The following DLG2 variants were observed in gnomAD, a reference collection of about 807,000 sequenced individuals.
DLG2 encodes the protein disks large homolog 2.
DLG2 carries 45 observed loss-of-function variants against 132.5 expected under a neutral mutation model. The observed-to-expected ratio is 0.34, with a 90% CI of 0.27 to 0.44. The LOEUF is 0.44. Ranked by LOEUF, DLG2 falls within the 20% of genes least tolerant of loss-of-function variation. DLG2 has a pLI of 1.00. For synonymous variants in DLG2, 424 were observed against 419.6 expected (o/e 1.01, Z -0.13); for missense variants, 1,045 against 1,196.9 (o/e 0.87, Z 1.87).
At chr11:83,531,312 A>G (rs2095738635) in intron 21 of DLG2, among the ~76,000 whole-genome samples, 1 of 152,070 alleles carries the variant, frequency 6.6e-6, no homozygotes, top group African/African-American at 2.4e-5. Context: ...CAACTCAACA[A>G]TAACAAGACA....
chr11:85,234,624 C>G (rs998101255), intron 4 of DLG2, among the ~76,000 whole-genome samples: 10 of 151,952 alleles, frequency 6.6e-5, no homozygotes, highest in African/African-American at 2.4e-4. Context: ...TTCTGTCTAT[C>G]CATTAGAGTG....
rs570940882 is a variant in DLG2, at chr11:83,971,262, G to A, written c.1057-5794C>T. On this transcript the variant is annotated intron_variant, in intron 12 of 27. Coordinates refer to ENST00000376104, the MANE Select transcript of DLG2 (RefSeq NM_001142699.3). ...GCACCACACAGACGGGGACATATGT[G>A]CAGCCTGGCTGTGTGTTTGCTAATA... 6.2e-4 allele frequency among the ~76,000 whole-genome samples: 95 copies of A among 152,220 alleles called. 1 individual carries two copies. The highest frequency in any genetic ancestry group is 1.1e-3 in the Non-Finnish European group (75 of 68,024).
intron 10 of DLG2, among the ~76,000 whole-genome samples, chr11:84,096,824 C>T (rs2097171630): frequency 6.6e-6 from 1 of 151,630 alleles, no homozygotes; most frequent in African/African-American, 2.4e-5. Flanking sequence ...GTTAATTCAG[C>T]TTAAAAATTC....
At chr11:84,844,065 TTGTGTGTGTG>T (rs769383482) in intron 6 of DLG2, among the ~76,000 whole-genome samples, 5 of 115,158 alleles carry the variant, frequency 4.3e-5, no homozygotes, top group Non-Finnish European at 9.1e-5. Flanking sequence ...ATATATATGT[TTGTGTGTGTG>T]TGTGTGTGTG....
intron 6 of DLG2, among the ~76,000 whole-genome samples, chr11:84,663,396 T>C (rs2099696788): frequency 6.6e-6 from 1 of 152,112 alleles, no homozygotes; most frequent in Non-Finnish European, 1.5e-5. Flanking sequence ...GAGTGAACTC[T>C]GGTGGTTATC....
At chr11:85,532,707 T>C (rs2075292755) in intron 3 of DLG2, among the ~76,000 whole-genome samples, 1 of 152,188 alleles carries the variant, frequency 6.6e-6, no homozygotes, top group South Asian at 2.1e-4. Context: ...GAGAATACTC[T>C]TCCAACTTAG....
At chr11:83,862,929 G>T (rs1402841539) in intron 16 of DLG2, among the ~76,000 whole-genome samples, 3 of 152,042 alleles carry the variant, frequency 2.0e-5, no homozygotes, top group African/African-American at 7.2e-5. Context: ...TACATGATAG[G>T]GTAGGACCTA....
chr11:83,888,954 T>C (rs2068820742), intron 15 of DLG2, among the ~76,000 whole-genome samples: 1 of 152,196 alleles, frequency 6.6e-6, no homozygotes. Context: ...CAAAAGTTAA[T>C]TCAAGATGGA....
chr11:84,116,590 C>T (rs1363835003), intron 9 of DLG2, among the ~76,000 whole-genome samples: 1 of 152,114 alleles, frequency 6.6e-6, no homozygotes, highest in Non-Finnish European at 1.5e-5. Flanking sequence ...TGGGAGAAAC[C>T]TGCCCCCATG....
At chr11:84,766,932 T>C (rs993849834) in intron 6 of DLG2, among the ~76,000 whole-genome samples, 1 of 152,092 alleles carries the variant, frequency 6.6e-6, no homozygotes, top group African/African-American at 2.4e-5. Context: ...ATAGATCTGT[T>C]GGATTCCAAA....
At chr11:85,354,271 T>C (rs1400602143) in intron 3 of DLG2, among the ~76,000 whole-genome samples, 1 of 152,134 alleles carries the variant, frequency 6.6e-6, no homozygotes, top group East Asian at 1.9e-4. Flanking sequence ...TTGATATAAA[T>C]TAAAACTAAC....
chr11:85,619,684 A>G (rs1466141899), intron 2 of DLG2, among the ~76,000 whole-genome samples: 2 of 152,054 alleles, frequency 1.3e-5, no homozygotes, highest in Non-Finnish European at 2.9e-5. Context: ...AAATGAAAAA[A>G]TTAGCCAGGC....
intron 18 of DLG2, among the ~76,000 whole-genome samples, chr11:83,699,042 A>T (rs918018149): frequency 2.0e-5 from 3 of 152,210 alleles, no homozygotes; most frequent in African/African-American, 7.2e-5. Flanking sequence ...CAAACATCAG[A>T]AACTTTGGGA....
chr11:84,592,974 T>TAAAAAAAAAAA (rs1424253492), intron 6 of DLG2, among the ~76,000 whole-genome samples: 1 of 76,368 alleles, frequency 1.3e-5, no homozygotes, highest in African/African-American at 5.4e-5. Flanking sequence ...AAAAAAAAAG[T>TAAAAAAAAAAA]TGGGCATGGT....
intron 4 of DLG2, among the ~76,000 whole-genome samples, chr11:85,206,017 T>G (rs1445463853): frequency 6.6e-6 from 1 of 152,032 alleles, no homozygotes; most frequent in Non-Finnish European, 1.5e-5. Flanking sequence ...GTGTTGGAGG[T>G]GGGGACGGGT....
chr11:85,385,954 G>T (rs2086286888), intron 3 of DLG2, among the ~76,000 whole-genome samples: 1 of 152,154 alleles, frequency 6.6e-6, no homozygotes, highest in African/African-American at 2.4e-5. Context: ...CCCACGATTA[G>T]TTGACGATTC....
At chr11:84,250,040 C>T (rs372120267) in intron 8 of DLG2, among the ~76,000 whole-genome samples, 7 of 152,136 alleles carry the variant, frequency 4.6e-5, no homozygotes, top group African/African-American at 1.7e-4. Context: ...TGCTCAGGAC[C>T]GCCAGTTCTT....
chr11:84,341,734 G>A (rs1334193671), intron 7 of DLG2, among the ~76,000 whole-genome samples: 3 of 152,238 alleles, frequency 2.0e-5, no homozygotes, highest in African/African-American at 7.2e-5. Flanking sequence ...AATGGCCTGT[G>A]TTTTGCCTTT....
chr11:85,454,752 T>C (rs183103374), intron 3 of DLG2, among the ~76,000 whole-genome samples: 2 of 152,322 alleles, frequency 1.3e-5, no homozygotes, highest in East Asian at 3.9e-4. Context: ...TGAATATTGC[T>C]AGCCAGTTAT....
Sources: allele counts gnomAD v4.1 joint callset (sites outside exome capture counted in the v4.1 genomes callset), GRCh38; gene constraint gnomAD v4.1.1; transcripts MANE v1.5; gene names NCBI Gene and HGNC (gene_info 2026-07-23, HGNC 2026-07-21).